Variants in SLC13A1 observed in about 807,000 individuals in gnomAD.
SLC13A1 encodes Na(+)/sulfate cotransporter.
SLC13A1 carries 65 observed loss-of-function variants against 70.0 expected under a neutral mutation model. The ratio of observed to expected loss-of-function variants is 0.93; its 90% CI spans 0.76 to 1.14. The LOEUF is 1.14. SLC13A1 is among the 50% of genes most tolerant of loss of function. The pLI is 0.00. For missense variants in SLC13A1, 726 were observed against 717.8 expected (o/e 1.01, Z -0.13); for synonymous variants, 275 against 250.5 (o/e 1.10, Z -0.92).
chr7:123,132,587 G>T (rs1367460489), intron 8 of SLC13A1, among the ~76,000 whole-genome samples: 1 of 152,044 alleles, frequency 6.6e-6, no homozygotes, highest in Non-Finnish European at 1.5e-5. Flanking sequence ...GGCCAGGCTG[G>T]TCTCTAACTG....
chr7:123,143,189 G>C (rs1794221163), intron 7 of SLC13A1, among the ~76,000 whole-genome samples: 2 of 152,124 alleles, frequency 1.3e-5, no homozygotes, highest in Non-Finnish European at 2.9e-5. Context: ...GCAACCTGGA[G>C]TTAGTGAAGA....
chr7:123,136,500 A>G (rs2116351726), intron 7 of SLC13A1, among the ~76,000 whole-genome samples: 1 of 152,340 alleles, frequency 6.6e-6, no homozygotes. Context: ...GCAAGTGAAG[A>G]GACTTCAAAC....
At chr7:123,188,796 G>T (rs963866504) in intron 1 of SLC13A1, among the ~76,000 whole-genome samples, 8 of 152,052 alleles carry the variant, frequency 5.3e-5, no homozygotes, top group African/African-American at 1.7e-4. Flanking sequence ...CTTTTCTGTT[G>T]TCTCATGTTT....
In SLC13A1 at chr7:123,125,581, T is replaced by C. The variant is rs1377015085; in HGVS notation, c.1228A>G (p.Thr410Ala). 2 of 1,606,104 alleles carry C rather than the reference T, an allele frequency of 1.2e-6. No homozygotes were observed. The highest frequency in any genetic ancestry group is 2.2e-5 in the South Asian group (2 of 90,522). ...PAKTLTKTTP[T>A]GEIVAFDYSP... is the part of the protein sequence containing the mutation. ...AATGATACTCAACCAATTTCTCCTG[T>C]AGGTGTAGTTTTAGTCAGTGTCTTA... Residue 410 changes from threonine to alanine, a missense_variant, in exon 11 of 15, where the codon ACA (threonine) becomes GCA (alanine). Thr to Ala is a moderately conservative substitution (Grantham distance 58). Coordinates refer to ENST00000194130, the MANE Select transcript of SLC13A1 (RefSeq NM_022444.4).
At chr7:123,149,178 C>T (rs145771981) in intron 6 of SLC13A1, among the ~76,000 whole-genome samples, 2 of 152,194 alleles carry the variant, frequency 1.3e-5, no homozygotes, top group Non-Finnish European at 2.9e-5. Flanking sequence ...TGTCAAAAAT[C>T]CCTTCTGGAG....
At chr7:123,116,562 A>T (rs1300891416) in intron 14 of SLC13A1, among the ~76,000 whole-genome samples, 5 of 152,204 alleles carry the variant, frequency 3.3e-5, no homozygotes, top group Admixed American at 6.5e-5. Context: ...TTTCCTGTCC[A>T]TGCAAGCCAG....
chr7:123,165,761 A>G (rs920501873), intron 6 of SLC13A1, among the ~76,000 whole-genome samples: 4 of 152,166 alleles, frequency 2.6e-5, no homozygotes, highest in African/African-American at 9.6e-5. Context: ...TGCATTGTAG[A>G]GGTTTCCTGA....
Position 123,132,207 on chromosome 7 carries a change from C to A in SLC13A1, c.932+2203G>T, listed in dbSNP as rs559083358. On this transcript the variant is annotated intron_variant, in intron 8 of 14. Coordinates refer to ENST00000194130, the MANE Select transcript of SLC13A1 (RefSeq NM_022444.4). ...GCTCCCACAATCTGGATAGAATTAT[C>A]TTTTTAATCATCAGTACCATCTTCT... Among the ~76,000 whole-genome samples the A allele has an allele frequency of 2.6e-5, 4 of 152,216 alleles. No homozygotes were observed. In the South Asian group the frequency reaches 8.3e-4, roughly 32 times the overall value.
intron 9 of SLC13A1, among the ~76,000 whole-genome samples, 193 bp downstream of exon 9, chr7:123,129,190 G>T (rs536119268): frequency 9.2e-5 from 14 of 151,932 alleles, no homozygotes; most frequent in Non-Finnish European, 1.8e-4. Flanking sequence ...TTATCATGTT[G>T]AGTTATAGTC....
chr7:123,180,881 G>A (rs965620870), intron 2 of SLC13A1, 92 bp downstream of exon 2: 8 of 1,368,950 alleles, frequency 5.8e-6, no homozygotes, highest in South Asian at 2.8e-5. Flanking sequence ...CCTTACCAAC[G>A]AGATGATTGC....
At chr7:123,117,911 T>G (rs1381614396) in intron 13 of SLC13A1, among the ~76,000 whole-genome samples, 1 of 151,474 alleles carries the variant, frequency 6.6e-6, no homozygotes, top group Non-Finnish European at 1.5e-5. Context: ...TATTGCTAGG[T>G]GTTGGGCTAA....
intron 1 of SLC13A1, among the ~76,000 whole-genome samples, chr7:123,187,508 A>G (rs1795845516): frequency 6.6e-6 from 1 of 152,190 alleles, no homozygotes. Context: ...TTAAAGACTG[A>G]TGTTAAGGAC....
chr7:123,128,198 C>CA (rs1793629761), intron 10 of SLC13A1, among the ~76,000 whole-genome samples: 2 of 151,800 alleles, frequency 1.3e-5, no homozygotes, highest in South Asian at 4.2e-4. Flanking sequence ...TGAACTAGTG[C>CA]AAAAATGTAA....
chr7:123,174,252 G>A (rs1234075196), intron 2 of SLC13A1, among the ~76,000 whole-genome samples: 2 of 152,040 alleles, frequency 1.3e-5, no homozygotes, highest in Non-Finnish European at 2.9e-5. Context: ...ACACAGATAA[G>A]TCTTCTGAGT....
intron 2 of SLC13A1, among the ~76,000 whole-genome samples, chr7:123,176,030 T>C (rs1795436561): frequency 6.6e-6 from 1 of 152,222 alleles, no homozygotes; most frequent in Non-Finnish European, 1.5e-5. Flanking sequence ...AAAGGCAATA[T>C]GTCAATGAAT....
intron 2 of SLC13A1, among the ~76,000 whole-genome samples, chr7:123,174,692 A>C (rs10251164): frequency 0.05 from 7,623 of 152,090 alleles, 619 homozygotes; most frequent in African/African-American, 0.17. Context: ...GTTTTTAAGA[A>C]CTTCCCATAG....
chr7:123,177,504 C>T (rs553738492), intron 2 of SLC13A1, among the ~76,000 whole-genome samples: 52 of 152,250 alleles, frequency 3.4e-4, no homozygotes, highest in African/African-American at 1.2e-3. Context: ...TAAAATCTTG[C>T]AATGGACTAC....
At chr7:123,167,027 TAA>T (rs376476150) in intron 6 of SLC13A1, among the ~76,000 whole-genome samples, 3,881 of 152,222 alleles carry the variant, frequency 0.025, 154 homozygotes, top group African/African-American at 0.089. Context: ...TGGCGATCAT[TAA>T]AAAGTCAGGA....
intron 3 of SLC13A1, 48 bp from the exon 4 acceptor site, chr7:123,169,383 A>G (rs1326468126): frequency 6.6e-7 from 1 of 1,523,294 alleles, no homozygotes; most frequent in East Asian, 2.3e-5. Flanking sequence ...TAGCTTAACT[A>G]GCACCGTATT....
Sources: allele counts gnomAD v4.1 joint callset (sites outside exome capture counted in the v4.1 genomes callset), GRCh38; gene constraint gnomAD v4.1.1; transcripts MANE v1.5; gene names NCBI Gene and HGNC (gene_info 2026-07-23, HGNC 2026-07-21).